The following NELL1 variants were observed in gnomAD, a reference collection of about 807,000 sequenced individuals.
NELL1 encodes protein kinase C-binding protein NELL1.
In NELL1, 76 loss-of-function variants were observed where a neutral mutation model predicts 107.4. The ratio of observed to expected loss-of-function variants is 0.71; its 90% CI spans 0.59 to 0.86. NELL1 has a LOEUF of 0.86. Ranked by LOEUF, NELL1 falls within the 40% of genes least tolerant of loss-of-function variation. The pLI is 0.00. For synonymous variants in NELL1, 353 were observed against 341.2 expected (o/e 1.03, Z -0.38); for missense variants, 1,024 against 1,005.5 (o/e 1.02, Z -0.25).
intron 3 of NELL1, among the ~76,000 whole-genome samples, chr11:20,801,427 AT>A: frequency 6.6e-6 from 1 of 151,890 alleles, no homozygotes. Flanking sequence ...AAATTATTAG[AT>A]TTTTTCCCCA....
chr11:20,943,175 T>C (rs1222559884), intron 10 of NELL1, among the ~76,000 whole-genome samples: 3 of 152,184 alleles, frequency 2.0e-5, no homozygotes, highest in African/African-American at 7.2e-5. Context: ...GCAAAAAAGT[T>C]ATTTTTCCAT....
chr11:21,101,266 C>G (rs555468804), intron 12 of NELL1, among the ~76,000 whole-genome samples: 15 of 152,226 alleles, frequency 9.9e-5, no homozygotes, highest in Non-Finnish European at 1.8e-4. Context: ...GGTTCCAGGT[C>G]TTTGCTATTG....
chr11:21,478,837 A>G (rs1276844012), intron 15 of NELL1, among the ~76,000 whole-genome samples: 1 of 46,960 alleles, frequency 2.1e-5, no homozygotes, highest in Non-Finnish European at 4.4e-5. Flanking sequence ...AAACAACCCT[A>G]TAAGAAAAAA....
intron 14 of NELL1, among the ~76,000 whole-genome samples, chr11:21,346,954 G>A (rs1850696638): frequency 6.6e-6 from 1 of 152,160 alleles, no homozygotes; most frequent in Admixed American, 6.6e-5. Flanking sequence ...TGTTAAGCTA[G>A]TTTAGGAGAT....
chr11:20,825,303 G>A (rs1227020811), intron 3 of NELL1, among the ~76,000 whole-genome samples: 2 of 151,290 alleles, frequency 1.3e-5, no homozygotes, highest in South Asian at 2.1e-4. Flanking sequence ...TAGTAGAGAT[G>A]TGAGAAGAGG....
At chr11:21,119,187 T>G (rs1309148462) in intron 13 of NELL1, among the ~76,000 whole-genome samples, 1 of 152,036 alleles carries the variant, frequency 6.6e-6, no homozygotes, top group East Asian at 1.9e-4. Flanking sequence ...TGTTTCACCC[T>G]GTGGTAGTTA....
intron 13 of NELL1, among the ~76,000 whole-genome samples, chr11:21,220,212 G>A (rs1024317920): frequency 6.6e-6 from 1 of 152,070 alleles, no homozygotes; most frequent in Non-Finnish European, 1.5e-5. Flanking sequence ...ATGTTCAATC[G>A]GCCTGGGTAT....
chr11:20,967,556 C>G (rs945868364), intron 12 of NELL1, among the ~76,000 whole-genome samples: 1 of 152,032 alleles, frequency 6.6e-6, no homozygotes, highest in Non-Finnish European at 1.5e-5. Flanking sequence ...TAGACATCAT[C>G]CTTGATTCCA....
chr11:21,023,739 T>A (rs1356223530), intron 12 of NELL1, among the ~76,000 whole-genome samples: 8 of 152,096 alleles, frequency 5.3e-5, no homozygotes, highest in African/African-American at 1.9e-4. Context: ...AAAGACAATG[T>A]ATGACATCTA....
chr11:21,229,694 C>T (rs1057121024), intron 14 of NELL1, among the ~76,000 whole-genome samples: 2 of 152,170 alleles, frequency 1.3e-5, no homozygotes, highest in Non-Finnish European at 2.9e-5. Context: ...AACTTGATGG[C>T]TCTGTTCAGC....
chr11:20,867,986 T>G (rs1198520577), intron 4 of NELL1, among the ~76,000 whole-genome samples: 2 of 152,054 alleles, frequency 1.3e-5, no homozygotes, highest in African/African-American at 4.8e-5. Flanking sequence ...AGAGGGAGGG[T>G]GGAAGAGAAG....
chr11:21,226,118 G>A (rs1348051082), intron 13 of NELL1, among the ~76,000 whole-genome samples: 3 of 150,854 alleles, frequency 2.0e-5, no homozygotes, highest in Admixed American at 1.3e-4. Context: ...GAAGAAAATG[G>A]TATTTTCTTT....
chr11:21,513,067 C>G (rs1198848663), intron 15 of NELL1, among the ~76,000 whole-genome samples: 1 of 152,138 alleles, frequency 6.6e-6, no homozygotes, highest in Non-Finnish European at 1.5e-5. Flanking sequence ...AGCAGCAAGG[C>G]CACAGTCAGC....
intron 13 of NELL1, among the ~76,000 whole-genome samples, chr11:21,149,831 G>A (rs565312364): frequency 7.2e-5 from 11 of 152,206 alleles, no homozygotes; most frequent in East Asian, 1.9e-4. Context: ...TTTACTGCAC[G>A]TATGGCAATT....
chr11:20,845,679 G>T (rs976667315), intron 3 of NELL1, among the ~76,000 whole-genome samples: 2 of 152,088 alleles, frequency 1.3e-5, no homozygotes, highest in African/African-American at 4.8e-5. Flanking sequence ...AAATTAAAAA[G>T]ATGATGTCTA....
chr11:21,380,127 G>T (rs1302785070), intron 15 of NELL1, among the ~76,000 whole-genome samples: 3 of 152,038 alleles, frequency 2.0e-5, no homozygotes, highest in African/African-American at 4.8e-5. Context: ...AGCTTTCTCA[G>T]GTTGTCTGGC....
intron 12 of NELL1, among the ~76,000 whole-genome samples, chr11:21,099,469 T>TGAC (rs1854749438): frequency 1.3e-5 from 2 of 152,060 alleles, no homozygotes. Flanking sequence ...GGGTAATCAC[T>TGAC]GACGGGTGGC....
At chr11:20,684,003 A>AT (rs1203340473) in intron 2 of NELL1, among the ~76,000 whole-genome samples, 1 of 136,906 alleles carries the variant, frequency 7.3e-6, no homozygotes, top group Non-Finnish European at 1.6e-5. Context: ...GTCTTCAAAT[A>AT]TTTTTTCTGT....
intron 13 of NELL1, among the ~76,000 whole-genome samples, chr11:21,202,583 G>T (rs1381924800): frequency 6.6e-6 from 1 of 152,026 alleles, no homozygotes; most frequent in Non-Finnish European, 1.5e-5. Flanking sequence ...CCACCTCCTG[G>T]ATTCATTGAT....
Sources: gnomAD v4.1 joint callset for allele counts (sites outside exome capture counted in the v4.1 genomes callset) on GRCh38, gnomAD v4.1.1 for gene constraint, MANE v1.5 for transcripts, NCBI Gene and HGNC (gene_info 2026-07-23, HGNC 2026-07-21) for gene names.